EXOC6B: variants seen among roughly 807,000 people sequenced by gnomAD.
The protein encoded by EXOC6B is exocyst complex component 6B, also known as SEC15 homolog B.
EXOC6B carries 54 observed loss-of-function variants against 113.5 expected under a neutral mutation model. The observed-to-expected ratio is 0.48, with a 90% CI of 0.38 to 0.60. The LOEUF (loss-of-function observed/expected upper bound fraction) is 0.60, where lower values mean the gene tolerates loss of function less well. EXOC6B is among the 20% of genes least tolerant of loss of function. The probability of loss-of-function intolerance (pLI) is 0.00; values close to 1 mark genes in which losing one functional copy is unlikely to be tolerated. For missense variants in EXOC6B, 797 were observed against 977.5 expected (o/e 0.82, Z 2.46); for synonymous variants, 357 against 339.0 (o/e 1.05, Z -0.58).
At chr2:72,490,740 G>A (rs972583800) in intron 16 of EXOC6B, among the ~76,000 whole-genome samples, 5 of 152,050 alleles carry the variant, frequency 3.3e-5, no homozygotes, top group African/African-American at 7.2e-5. Context: ...TGATAACTTC[G>A]TACTTGTTCT....
At chr2:72,709,679 T>C (rs1291594709) in intron 6 of EXOC6B, among the ~76,000 whole-genome samples, 1 of 152,180 alleles carries the variant, frequency 6.6e-6, no homozygotes, top group East Asian at 1.9e-4. Flanking sequence ...AATTTCTTTT[T>C]TTTAATTTCT....
chr2:72,514,730 A>G, intron 9 of EXOC6B, 50 bp from the exon 10 acceptor site: 11 of 1,207,296 alleles, frequency 9.1e-6, no homozygotes, highest in Non-Finnish European at 1.2e-5. Context: ...TTGTTACATT[A>G]AGACTAAGTT....
chr2:72,229,823 C>T (rs1681489955), intron 20 of EXOC6B, among the ~76,000 whole-genome samples: 1 of 152,144 alleles, frequency 6.6e-6, no homozygotes, highest in African/African-American at 2.4e-5. Context: ...CACGTGCTAC[C>T]TAATAAGTTG....
At chr2:72,338,002 A>G (rs1483407847) in intron 19 of EXOC6B, among the ~76,000 whole-genome samples, 1 of 152,182 alleles carries the variant, frequency 6.6e-6, no homozygotes, top group Non-Finnish European at 1.5e-5. Flanking sequence ...AGGGGTCCTT[A>G]ATCTGAGTAT....
At chr2:72,214,953 G>A (rs1322904696) in intron 20 of EXOC6B, among the ~76,000 whole-genome samples, 1 of 152,174 alleles carries the variant, frequency 6.6e-6, no homozygotes, top group East Asian at 1.9e-4. Flanking sequence ...ACTGCTTTTA[G>A]GGAGGAAATG....
chr2:72,431,121 T>A (rs11895324), intron 18 of EXOC6B, among the ~76,000 whole-genome samples: 1,597 of 152,292 alleles, frequency 0.01, 46 homozygotes, highest in African/African-American at 0.036. Context: ...TTTAATTTCA[T>A]AGAGCACTAA....
At chr2:72,374,691 T>C (rs1005816727) in intron 19 of EXOC6B, among the ~76,000 whole-genome samples, 2 of 151,674 alleles carry the variant, frequency 1.3e-5, no homozygotes, top group Non-Finnish European at 2.9e-5. Context: ...AGAGTATGAT[T>C]AGATTGTAAC....
At chr2:72,773,125 T>C (rs969254428) in intron 1 of EXOC6B, among the ~76,000 whole-genome samples, 28 of 138,618 alleles carry the variant, frequency 2.0e-4, no homozygotes, top group Non-Finnish European at 3.4e-4. Flanking sequence ...ATTTTCTTTT[T>C]TTTTTTTTTT....
chr2:72,352,528 G>A (rs1054824739), intron 19 of EXOC6B, among the ~76,000 whole-genome samples: 5 of 151,840 alleles, frequency 3.3e-5, no homozygotes, highest in African/African-American at 1.2e-4. Context: ...GCACATAAAT[G>A]CAAATAGATT....
chr2:72,634,316 C>A (rs917160035), intron 6 of EXOC6B, among the ~76,000 whole-genome samples: 1 of 152,138 alleles, frequency 6.6e-6, no homozygotes, highest in African/African-American at 2.4e-5. Context: ...ACTTTCATTT[C>A]AAGAAGACAG....
chr2:72,593,643 T>TAA (rs70963131), intron 6 of EXOC6B, among the ~76,000 whole-genome samples: 5,119 of 137,056 alleles, frequency 0.037, 166 homozygotes, highest in African/African-American at 0.092. Flanking sequence ...ATAGGGATCT[T>TAA]AAAAAAAAAA....
chr2:72,747,268 G>T (rs377141366), intron 1 of EXOC6B, among the ~76,000 whole-genome samples: 16 of 152,116 alleles, frequency 1.1e-4, no homozygotes, highest in African/African-American at 3.1e-4. Flanking sequence ...AATATATGGT[G>T]GTCAGTGACA....
intron 18 of EXOC6B, among the ~76,000 whole-genome samples, chr2:72,401,646 CATATATATATATATATATAT>C (rs1693315806): frequency 3.4e-4 from 7 of 20,676 alleles, no homozygotes; most frequent in African/African-American, 2.3e-3. Flanking sequence ...TACATATATA[CATATATATATATATATATAT>C]GTATATATAT....
chr2:72,620,818 T>C (rs896842446), intron 6 of EXOC6B, among the ~76,000 whole-genome samples: 3 of 151,534 alleles, frequency 2.0e-5, no homozygotes, highest in Non-Finnish European at 4.4e-5. Flanking sequence ...AAAAGACAAA[T>C]AACCCGATTA....
At chr2:72,677,306 A>C (rs1676382399) in intron 6 of EXOC6B, among the ~76,000 whole-genome samples, 1 of 152,172 alleles carries the variant, frequency 6.6e-6, no homozygotes, top group Non-Finnish European at 1.5e-5. Flanking sequence ...CAAGGCAGGC[A>C]GATCCCTTGA....
At chr2:72,689,229 AG>A (rs1677311322) in intron 6 of EXOC6B, among the ~76,000 whole-genome samples, 1 of 152,202 alleles carries the variant, frequency 6.6e-6, no homozygotes, top group South Asian at 2.1e-4. Flanking sequence ...AATTTCCGAA[AG>A]GTAAATGCAA....
At chr2:72,665,575 T>C (rs1171804143) in intron 6 of EXOC6B, among the ~76,000 whole-genome samples, 1 of 152,098 alleles carries the variant, frequency 6.6e-6, no homozygotes, top group Admixed American at 6.6e-5. Flanking sequence ...AAATTCCAAC[T>C]AAGAATTTAA....
At chr2:72,460,164 T>C (rs1445951057) in intron 18 of EXOC6B, among the ~76,000 whole-genome samples, 2 of 152,078 alleles carry the variant, frequency 1.3e-5, no homozygotes, top group South Asian at 2.1e-4. Context: ...TGTAGAAAGC[T>C]GAAACTGGAT....
At chr2:72,701,841 G>A (rs1235169502) in intron 6 of EXOC6B, among the ~76,000 whole-genome samples, 3 of 151,718 alleles carry the variant, frequency 2.0e-5, no homozygotes, top group African/African-American at 7.3e-5. Context: ...AAGGGCTTTC[G>A]AATGTTCTAC....
Sources: gnomAD v4.1 joint callset for allele counts (sites outside exome capture counted in the v4.1 genomes callset) on GRCh38, gnomAD v4.1.1 for gene constraint, MANE v1.5 for transcripts, NCBI Gene and HGNC (gene_info 2026-07-23, HGNC 2026-07-21) for gene names.